Variants in KAT6B observed in about 807,000 individuals in gnomAD.
KAT6B encodes histone acetyltransferase KAT6B.
Under a neutral mutation model 187.5 loss-of-function variants are expected in KAT6B, and 10 were observed. The ratio of observed to expected loss-of-function variants is 0.05; its 90% CI spans 0.03 to 0.09. KAT6B has a LOEUF of 0.09. KAT6B is among the 10% of genes least tolerant of loss of function. The pLI is 1.00. For synonymous variants in KAT6B, 861 were observed against 926.8 expected (o/e 0.93, Z 1.29); for missense variants, 1,952 against 2,558.9 (o/e 0.76, Z 5.12).
In KAT6B at chr10:74,912,375, G is replaced by GGATGGATA. The variant is rs1554825627; in HGVS notation, c.622-47592_622-47591insGGATAGAT. 8.6e-3 allele frequency among the ~76,000 whole-genome samples: 1,246 copies of GGATGGATA among 145,632 alleles called. 18 individuals carry two copies. The highest frequency in any genetic ancestry group is 0.03 in the African/African-American group (1,151 of 38,394). On this transcript the variant is annotated intron_variant, in intron 3 of 17. Transcript: ENST00000287239. ...GGATGGATAGATTAAATGGATGGAT[G>GGATGGATA]GATAGATAGATAGATAGATAGATAG...
At chr10:74,946,727 G>A (rs1839974443) in intron 3 of KAT6B, among the ~76,000 whole-genome samples, 1 of 152,202 alleles carries the variant, frequency 6.6e-6, no homozygotes, top group African/African-American at 2.4e-5. Flanking sequence ...CTTAGGAAGG[G>A]AAGTGGAAAG....
chr10:74,870,130 T>C (rs1200864907), intron 3 of KAT6B, among the ~76,000 whole-genome samples: 2 of 151,848 alleles, frequency 1.3e-5, no homozygotes, highest in African/African-American at 4.8e-5. Flanking sequence ...AATACAAAAA[T>C]TAGACAGGTG....
intron 3 of KAT6B, among the ~76,000 whole-genome samples, chr10:74,947,552 T>C (rs1446146840): frequency 6.6e-6 from 1 of 152,234 alleles, no homozygotes; most frequent in East Asian, 1.9e-4. Flanking sequence ...TTATTATGTA[T>C]AGTAATTAAG....
rs1258957442 is a variant in KAT6B, at chr10:74,963,568, C to T, written c.730+3490C>T. Reference sequence around the variant, plus strand: ...GTGGAGTAGAATATCAGTGCACCCTCGGGAGACCTGAAGTCTTCCCTGGGT... The same window carrying T: ...GTGGAGTAGAATATCAGTGCACCCTTGGGAGACCTGAAGTCTTCCCTGGGT... On this transcript the variant is annotated intron_variant, in intron 4 of 17. Coordinates refer to ENST00000287239, the MANE Select transcript of KAT6B (RefSeq NM_012330.4). Among the ~76,000 whole-genome samples the T allele has an allele frequency of 2.0e-5, 3 of 152,258 alleles. No individual in the cohort carries two copies. In the East Asian group the frequency reaches 5.8e-4, roughly 29 times the overall value.
intron 3 of KAT6B, among the ~76,000 whole-genome samples, chr10:74,928,655 A>G (rs1169275035): frequency 6.6e-6 from 1 of 152,208 alleles, no homozygotes; most frequent in Non-Finnish European, 1.5e-5. Flanking sequence ...CATTTGTCAT[A>G]TGAACTTTTT....
Position 74,975,820 on chromosome 10 carries a change from C to T in KAT6B, c.1483C>T (p.Pro495Ser). 1 of 1,614,190 alleles carries T rather than the reference C, an allele frequency of 6.2e-7. No individual in the cohort carries two copies. Among genetic ancestry groups the T allele is most frequent in the Non-Finnish European group, 8.5e-7 (1 of 1,180,032 alleles). Residue 495 changes from proline (P) to serine (S), a missense_variant, in exon 8 of 18, where the codon CCA becomes TCA. Pro to Ser is a moderately conservative substitution (Grantham distance 74). Coordinates refer to ENST00000287239, the MANE Select transcript of KAT6B (RefSeq NM_012330.4). ...QKLKPPPSSL[P>S]PPTPISGQSP... ...GCTAAAACCTCCACCTTCTTCACTT[C>T]CACCCCCAACCCCCATCTCCGGTCA...
rs938942294 is a variant in KAT6B at position 74,969,915 on chromosome 10, T to G, written c.847-105T>G. ...TGTCAAACTGCAACCAGGATCTTGGTGCACTTTCCTTATATTGTATTAATG... is the reference window on the plus strand; with the variant it reads ...TGTCAAACTGCAACCAGGATCTTGGGGCACTTTCCTTATATTGTATTAATG... On this transcript the variant is annotated intron_variant, in intron 5 of 17. Coordinates refer to ENST00000287239, the MANE Select transcript of KAT6B (RefSeq NM_012330.4). 9 of 1,016,356 alleles carry G rather than the reference T, an allele frequency of 8.9e-6. No homozygotes were observed. In the African/African-American group the frequency reaches 1.4e-4, roughly 16 times the overall value. The allele number at this position is 1,016,356 out of a possible 1,614,324, so 63.0% of individuals were successfully genotyped here.
intron 3 of KAT6B, among the ~76,000 whole-genome samples, chr10:74,905,352 T>C (rs900551286): frequency 3.3e-5 from 5 of 152,118 alleles, no homozygotes; most frequent in Admixed American, 2.6e-4. Context: ...GGGCAATAAA[T>C]TAATAAGTAG....
chr10:74,982,598 T>C (rs1174033695), intron 11 of KAT6B: 2 of 152,758 alleles, frequency 1.3e-5, no homozygotes, highest in Admixed American at 6.5e-5. Flanking sequence ...TTTCAGGGAT[T>C]CCGTTAAGCT....
rs1354498099 is a variant in KAT6B at position 74,912,410 on chromosome 10, TAGAA to T, written c.622-47556_622-47553del. Among the ~76,000 whole-genome samples, 392 of 151,938 alleles carry T rather than the reference TAGAA, an allele frequency of 2.6e-3. 2 individuals carry two copies. The highest frequency in any genetic ancestry group is 8.9e-3 in the African/African-American group (369 of 41,438). ...ATAGATAGATAGATAGATAGATAGATAGAAAGATAGATGAAGGTTGAAGGGTAGG... is the reference window on the plus strand; with the variant it reads ...ATAGATAGATAGATAGATAGATAGATAGATAGATGAAGGTTGAAGGGTAGG... On this transcript the variant is annotated intron_variant, in intron 3 of 17. Coordinates refer to ENST00000287239, the MANE Select transcript of KAT6B (RefSeq NM_012330.4).
chr10:74,902,816 A>G (rs555258222), intron 3 of KAT6B, among the ~76,000 whole-genome samples: 1 of 152,162 alleles, frequency 6.6e-6, no homozygotes, highest in Non-Finnish European at 1.5e-5. Flanking sequence ...ATGTTATATT[A>G]TCTTCACTTT....
At chr10:74,879,487 G>T (rs1844689172) in intron 3 of KAT6B, among the ~76,000 whole-genome samples, 1 of 152,196 alleles carries the variant, frequency 6.6e-6, no homozygotes, top group Admixed American at 6.5e-5. Context: ...TGGATCAGGG[G>T]AGGATACTGG....
chr10:75,017,210 A>T lies in KAT6B; in HGVS notation c.2630-3372A>T, dbSNP rs532129954. On this transcript the variant is annotated intron_variant, in intron 13 of 17. Coordinates refer to ENST00000287239, the MANE Select transcript of KAT6B (RefSeq NM_012330.4). ...CTGCATCTTAGATCAATTATTTGGA[A>T]TTTTTTTGGTAAGTTAAGAGCTGTA... Among the ~76,000 whole-genome samples, 5 of 152,202 alleles carry T rather than the reference A, an allele frequency of 3.3e-5. No homozygotes were observed. The South Asian group carries it at 8.3e-4, about 25-fold the overall frequency.
At chr10:75,017,468 G>A (rs905850168) in intron 13 of KAT6B, among the ~76,000 whole-genome samples, 1 of 152,094 alleles carries the variant, frequency 6.6e-6, no homozygotes, top group African/African-American at 2.4e-5. Flanking sequence ...GCAAATCTTA[G>A]CCAGGCATGG....
At chr10:75,027,629 A>T (rs980237802) in intron 17 of KAT6B, among the ~76,000 whole-genome samples, 2 of 151,910 alleles carry the variant, frequency 1.3e-5, no homozygotes, top group African/African-American at 2.4e-5. Flanking sequence ...CTGCTTGTAT[A>T]AATATGTACA....
rs558339853 is a variant in KAT6B at position 74,981,306 on chromosome 10, TCTTCCTTC to T, written c.2232-453_2232-446del. Among the ~76,000 whole-genome samples the T allele has an allele frequency of 6.2e-3, 867 of 140,004 alleles. 10 individuals carry two copies. The highest frequency in any genetic ancestry group is 0.035 in the East Asian group (171 of 4,948). The allele number at this position is 140,004 out of a possible 152,430, so 91.8% of individuals were successfully genotyped here. A position where few individuals can be genotyped will look rare whatever the true frequency, so the allele number is the denominator to read the frequency against. On this transcript the variant is annotated intron_variant, in intron 10 of 17. Transcript: ENST00000287239. ...TATTGGCTGGCTTTCTTTCTTTCTT[TCTTCCTTC>T]CTTCCTTCCTTCCTTCCTTCCTTCC...
chr10:74,984,192 A>T (rs1211962489), intron 11 of KAT6B: 1 of 152,200 alleles, frequency 6.6e-6, no homozygotes, highest in Non-Finnish European at 1.5e-5. Context: ...TCCGAGGGAA[A>T]TAGTTATATG....
intron 16 of KAT6B, chr10:75,024,077 G>A (rs543153323): frequency 3.9e-4 from 59 of 152,008 alleles, no homozygotes; most frequent in African/African-American, 1.3e-3. Flanking sequence ...ATTATGGACA[G>A]TCATTTGTGC....
chr10:74,852,375 A>T (rs1232436990), intron 3 of KAT6B, among the ~76,000 whole-genome samples: 1 of 152,236 alleles, frequency 6.6e-6, no homozygotes, highest in African/African-American at 2.4e-5. Flanking sequence ...ACCTATTGTA[A>T]TGTGAAAGAC....
Sources: gnomAD v4.1 joint callset for allele counts (sites outside exome capture counted in the v4.1 genomes callset) on GRCh38, gnomAD v4.1.1 for gene constraint, MANE v1.5 for transcripts, NCBI Gene and HGNC (gene_info 2026-07-23, HGNC 2026-07-21) for gene names.